The following MTAP variants were observed in gnomAD, a reference collection of about 807,000 sequenced individuals.
MTAP encodes S-methyl-5'-thioadenosine phosphorylase.
A neutral mutation model predicts 33.6 loss-of-function variants in MTAP; 33 were observed. The ratio of observed to expected loss-of-function variants is 0.98; its 90% CI spans 0.74 to 1.31. The LOEUF is 1.31. Ranked by LOEUF, MTAP falls within the 40% of genes most tolerant of loss-of-function variation. MTAP has a pLI of 0.00. For synonymous variants in MTAP, 148 were observed against 125.7 expected, an observed-to-expected ratio of 1.18 and a Z score of -1.19; for missense variants, 367 against 360.0, an observed-to-expected ratio of 1.02 and a Z score of -0.16.
chr9:21,916,857 A>G (rs1331248327), intron 1 of MTAP, among the ~76,000 whole-genome samples: 2 of 152,306 alleles, frequency 1.3e-5, no homozygotes, highest in African/African-American at 2.4e-5. Flanking sequence ...ATCTGTTGCT[A>G]AAAGTCCCCC....
intron 4 of MTAP, among the ~76,000 whole-genome samples, chr9:21,820,759 A>G (rs896222557): frequency 7.9e-5 from 12 of 152,230 alleles, no homozygotes; most frequent in African/African-American, 2.9e-4. Context: ...ATCCATGAGC[A>G]TGGAATGTTC....
intron 1 of MTAP, chr9:21,929,545 T>C: frequency 2.9e-6 from 1 of 339,996 alleles, no homozygotes; most frequent in East Asian, 6.4e-5. Context: ...AGCTCAGCAA[T>C]TGCTCCAAAA....
At chr9:21,817,465 C>T (rs1360428863) in intron 3 of MTAP, among the ~76,000 whole-genome samples, 3 of 151,798 alleles carry the variant, frequency 2.0e-5, no homozygotes, top group African/African-American at 7.3e-5. Flanking sequence ...TGTTCAAGCT[C>T]GTGTAGTTGT....
chr9:21,848,717 C>A (rs753758769), intron 5 of MTAP, among the ~76,000 whole-genome samples: 3 of 152,208 alleles, frequency 2.0e-5, no homozygotes, highest in Non-Finnish European at 4.4e-5. Context: ...GAGGGCAGCA[C>A]TGGGATCTTT....
chr9:21,815,481 G>C lies in MTAP; in HGVS notation c.82G>C (p.Gly28Arg). The change falls in exon 2 of 8, where the codon GGA becomes CGA. Residue 28 changes from glycine (G) to arginine (R), a missense_variant. Gly to Arg is a moderately radical substitution (Grantham distance 125). Transcript: ENST00000644715. ...CCTGGATGATCCAGAAATTTTAGAA[G>C]GAAGAACTGAAAAATATGTGGATAC... ...TGLDDPEILEGRTEKYVDTPF... is the reference protein window; with the variant it reads ...TGLDDPEILERRTEKYVDTPF... 6.2e-7 allele frequency: 1 copy of C among 1,611,330 alleles called. No individual in the cohort carries two copies. Among genetic ancestry groups the C allele is most frequent in the East Asian group, 2.2e-5 (1 of 44,820 alleles).
chr9:21,884,686 G>A (rs1422165126), intron 1 of MTAP, among the ~76,000 whole-genome samples: 1 of 152,062 alleles, frequency 6.6e-6, no homozygotes, highest in Non-Finnish European at 1.5e-5. Flanking sequence ...TTCTTATAAG[G>A]ACACTAATCC....
intron 1 of MTAP, among the ~76,000 whole-genome samples, chr9:21,887,066 A>G (rs1818123562): frequency 6.6e-6 from 1 of 152,168 alleles, no homozygotes; most frequent in African/African-American, 2.4e-5. Context: ...TTCCCTATCC[A>G]TGAACATGGG....
intron 5 of MTAP, among the ~76,000 whole-genome samples, chr9:21,851,022 A>C (rs1168080264): frequency 6.6e-6 from 1 of 152,198 alleles, no homozygotes; most frequent in Non-Finnish European, 1.5e-5. Flanking sequence ...CTACTACTCC[A>C]CAATGGAAGT....
intron 1 of MTAP, among the ~76,000 whole-genome samples, chr9:21,872,396 G>C (rs1438628356): frequency 1.3e-5 from 2 of 152,062 alleles, no homozygotes; most frequent in Non-Finnish European, 2.9e-5. Flanking sequence ...TTAAAGGAAG[G>C]CTACTTCCCG....
downstream of MTAP, among the ~76,000 whole-genome samples, chr9:21,867,874 A>G (rs1044646115): frequency 6.6e-6 from 1 of 152,178 alleles, no homozygotes; most frequent in Non-Finnish European, 1.5e-5. Context: ...TAAAATTCTC[A>G]GTGTCATAGG....
At position 21,866,463 on chromosome 9, in the gene MTAP, G is replaced by A. The variant is rs906646585; in HGVS notation, c.*4449G>A. On this transcript the variant is annotated 3_prime_UTR_variant, in exon 8 of 8. Coordinates refer to ENST00000644715, the MANE Select transcript of MTAP (RefSeq NM_002451.4). ...TCTTTGCCTACTCATTTAATTACCT[G>A]TGTGCCCTTGTCAAAATCATTTAAT... 7 of 151,852 alleles carry A rather than the reference G, an allele frequency of 4.6e-5. No individual in the cohort carries two copies. Among genetic ancestry groups the A allele is most frequent in the Non-Finnish European group, 8.8e-5 (6 of 67,964 alleles). The allele number at this position is 151,852 out of a possible 1,614,324, so 9.4% of individuals were successfully genotyped here.
At chr9:21,925,856 T>G (rs7852128) in intron 1 of MTAP, among the ~76,000 whole-genome samples, 56,578 of 152,098 alleles carry the variant, frequency 0.37, 13,789 homozygotes, top group African/African-American at 0.68. Context: ...GAAATGGCCT[T>G]CTTGGTGCTT....
chr9:21,847,090 AAG>A, intron 5 of MTAP, among the ~76,000 whole-genome samples: 1 of 152,248 alleles, frequency 6.6e-6, no homozygotes, highest in South Asian at 2.1e-4. Context: ...AAAATGTGAA[AAG>A]AGAGACTGGC....
chr9:21,868,482 T>G (rs1825888487), downstream of MTAP, among the ~76,000 whole-genome samples: 1 of 152,220 alleles, frequency 6.6e-6, no homozygotes, highest in South Asian at 2.1e-4. Context: ...TGTCATTCTC[T>G]TACAGACATG....
chr9:21,825,099 C>G (rs969579919), intron 4 of MTAP, among the ~76,000 whole-genome samples: 1 of 152,140 alleles, frequency 6.6e-6, no homozygotes, highest in South Asian at 2.1e-4. Context: ...ATGGGCTGCA[C>G]CCGCTCTCCG....
intron 1 of MTAP, among the ~76,000 whole-genome samples, chr9:21,899,575 G>A (rs188731198): frequency 1.2e-3 from 189 of 152,234 alleles, no homozygotes; most frequent in African/African-American, 4.0e-3. Flanking sequence ...GAAGGTGAAC[G>A]GGAAGCAAGA....
At chr9:21,820,445 A>T (rs918705217) in intron 4 of MTAP, among the ~76,000 whole-genome samples, 1 of 152,144 alleles carries the variant, frequency 6.6e-6, no homozygotes, top group African/African-American at 2.4e-5. Context: ...CACAGATCAG[A>T]TGCTTGTAGA....
chr9:21,875,757 T>A (rs1345088589), intron 1 of MTAP, among the ~76,000 whole-genome samples: 1 of 152,200 alleles, frequency 6.6e-6, no homozygotes, highest in Non-Finnish European at 1.5e-5. Context: ...TATTCCATGG[T>A]ACATATGTAC....
intron 4 of MTAP, among the ~76,000 whole-genome samples, chr9:21,823,193 G>C (rs200307876): frequency 1.3e-5 from 2 of 152,066 alleles, no homozygotes; most frequent in Non-Finnish European, 1.5e-5. Context: ...GGTTATTTTG[G>C]TCGTTAGTTG....
Sources: gnomAD v4.1 joint callset for allele counts (sites outside exome capture counted in the v4.1 genomes callset) on GRCh38, gnomAD v4.1.1 for gene constraint, MANE v1.5 for transcripts, NCBI Gene and HGNC (gene_info 2026-07-23, HGNC 2026-07-21) for gene names.